The following SPRED2 variants were observed in gnomAD, a reference collection of about 807,000 sequenced individuals.
SPRED2 encodes the protein sprouty-related, EVH1 domain-containing protein 2.
In SPRED2, 47 loss-of-function variants were observed where a neutral mutation model predicts 43.0. The ratio of observed to expected loss-of-function variants is 1.09; its 90% confidence interval spans 0.87 to 1.40. The LOEUF (loss-of-function observed/expected upper bound fraction) is 1.40. Ranked by LOEUF, SPRED2 falls within the 40% of genes most tolerant of loss-of-function variation. The probability of loss-of-function intolerance (pLI) is 0.00; values close to 1 mark genes in which losing one functional copy is unlikely to be tolerated. For missense variants in SPRED2, 561 were observed against 586.4 expected, an observed-to-expected ratio of 0.96 and a Z score of 0.45; for synonymous variants, 225 against 225.7, an observed-to-expected ratio of 1.00 and a Z score of 0.03.
intron 5 of SPRED2, among the ~76,000 whole-genome samples, chr2:65,315,282 A>C (rs4671125): frequency 0.43 from 64,802 of 151,480 alleles, 14,526 homozygotes; most frequent in East Asian, 0.76. Flanking sequence ...CTCAGGTTCC[A>C]TTTCTGTCGA....
chr2:65,386,645 G>T (rs1450148042), intron 1 of SPRED2, among the ~76,000 whole-genome samples: 1 of 152,190 alleles, frequency 6.6e-6, no homozygotes, highest in Non-Finnish European at 1.5e-5. Flanking sequence ...CATCCTTACA[G>T]TATGGCTTCC....
chr2:65,340,191 G>A (rs1457690226), intron 2 of SPRED2, among the ~76,000 whole-genome samples: 2 of 152,074 alleles, frequency 1.3e-5, no homozygotes, highest in Non-Finnish European at 2.9e-5. Flanking sequence ...GTTATAAATA[G>A]CTGTAACTCA....
At chr2:65,342,584 C>A (rs1674227533) in intron 2 of SPRED2, among the ~76,000 whole-genome samples, 1 of 151,960 alleles carries the variant, frequency 6.6e-6, no homozygotes, top group Non-Finnish European at 1.5e-5. Context: ...AAAAATATGA[C>A]CTCCTAAATT....
chr2:65,371,611 G>T (rs1313201760), intron 1 of SPRED2, among the ~76,000 whole-genome samples: 1 of 152,146 alleles, frequency 6.6e-6, no homozygotes, highest in African/African-American at 2.4e-5. Context: ...AGCTAAGTCA[G>T]TTTTCAGCTA....
intron 1 of SPRED2, among the ~76,000 whole-genome samples, chr2:65,389,574 A>G (rs1675584530): frequency 6.6e-6 from 1 of 152,210 alleles, no homozygotes; most frequent in African/African-American, 2.4e-5. Context: ...TTAAAAGCAA[A>G]AACATCACCC....
At chr2:65,329,052 G>A (rs182702525) in intron 4 of SPRED2, among the ~76,000 whole-genome samples, 132 of 152,298 alleles carry the variant, frequency 8.7e-4, no homozygotes, top group Middle Eastern at 3.4e-3. Context: ...TTGGTGCTTT[G>A]GTTTTAACTA....
intron 1 of SPRED2, chr2:65,377,978 G>C (rs1437613426): frequency 4.1e-5 from 10 of 245,346 alleles, no homozygotes. Context: ...AGAAGTGGTT[G>C]TGGCTGGGGC....
downstream of SPRED2, among the ~76,000 whole-genome samples, chr2:65,307,819 A>G (rs1672971121): frequency 6.6e-6 from 1 of 152,184 alleles, no homozygotes; most frequent in African/African-American, 2.4e-5. Context: ...CCATGCACCT[A>G]GTTCAGTTCT....
Position 65,313,424 on chromosome 2 carries a change from C to A in SPRED2, c.*77G>T. 2 of 1,523,942 alleles carry A rather than the reference C, an allele frequency of 1.3e-6. No individual in the cohort carries two copies. Among genetic ancestry groups the A allele is most frequent in the Non-Finnish European group, 1.8e-6 (2 of 1,140,450 alleles). The allele number at this position is 1,523,942 out of a possible 1,614,324, so 94.4% of individuals were successfully genotyped here. On this transcript the variant is annotated 3_prime_UTR_variant, in exon 6 of 6. Coordinates refer to ENST00000356388, the MANE Select transcript of SPRED2 (RefSeq NM_181784.3). ...CCTCGCTCCTTGGAGTGGAAGGGAG[C>A]GGGGGAGAAGATGAGAGTATGTAAG...
chr2:65,341,102 GGCGTGT>G (rs1411840570), intron 2 of SPRED2, among the ~76,000 whole-genome samples: 1 of 55,208 alleles, frequency 1.8e-5, no homozygotes, highest in Non-Finnish European at 3.5e-5. Context: ...ACTGGGTACG[GGCGTGT>G]GTGTGTGTGT....
intron 4 of SPRED2, among the ~76,000 whole-genome samples, chr2:65,317,513 AAACAACAACAACAACAACAACAACAAC>A (rs200353741): frequency 4.1e-5 from 6 of 147,252 alleles, no homozygotes; most frequent in Non-Finnish European, 7.5e-5. Context: ...ACTCCATCTC[AAACAACAACAACAACAACAACAACAAC>A]AACAACAACA....
At chr2:65,364,303 T>G (rs749298776) in intron 1 of SPRED2, among the ~76,000 whole-genome samples, 4 of 152,218 alleles carry the variant, frequency 2.6e-5, no homozygotes, top group Admixed American at 6.5e-5. Flanking sequence ...GGCTCAGATT[T>G]GAAACACTTT....
chr2:65,362,412 G>T (rs1002177459), intron 1 of SPRED2, among the ~76,000 whole-genome samples: 1 of 152,088 alleles, frequency 6.6e-6, no homozygotes, highest in East Asian at 1.9e-4. Flanking sequence ...TGCAACTACA[G>T]GCGCCCGACA....
chr2:65,401,172 C>T (rs1675877878), intron 1 of SPRED2, among the ~76,000 whole-genome samples: 2 of 151,214 alleles, frequency 1.3e-5, no homozygotes, highest in African/African-American at 4.9e-5. Context: ...GACGTGGTTT[C>T]ACCACGTTGG....
In SPRED2 at chr2:65,357,449, C is replaced by T. The variant is rs113071067; in HGVS notation, c.27-12553G>A. ...CTCTCTCACGTGGAAAAATTAAAAT[C>T]CAGACTGCAGAAGGGACTTGTTCAA... On this transcript the variant is annotated intron_variant, in intron 1 of 5. Coordinates refer to ENST00000356388, the MANE Select transcript of SPRED2 (RefSeq NM_181784.3). Among the ~76,000 whole-genome samples, 590 of 152,294 alleles carry T rather than the reference C, an allele frequency of 3.9e-3. 1 individual carries two copies. The highest frequency in any genetic ancestry group is 0.013 in the African/African-American group (553 of 41,556).
chr2:65,393,424 C>T (rs1401568786), intron 1 of SPRED2, among the ~76,000 whole-genome samples: 6 of 151,746 alleles, frequency 4.0e-5, no homozygotes, highest in Non-Finnish European at 8.8e-5. Flanking sequence ...CTTCACCTCC[C>T]GGGTTCAAGT....
At chr2:65,349,388 C>T (rs1674444847) in intron 1 of SPRED2, among the ~76,000 whole-genome samples, 1 of 151,178 alleles carries the variant, frequency 6.6e-6, no homozygotes. Flanking sequence ...AATATCCTTT[C>T]CCCCACTCCA....
chr2:65,391,950 T>G (rs571825767), intron 1 of SPRED2, among the ~76,000 whole-genome samples: 1 of 152,182 alleles, frequency 6.6e-6, no homozygotes, highest in African/African-American at 2.4e-5. Context: ...TAGTCAACTA[T>G]ATATTTCTTT....
Position 65,312,538 on chromosome 2 carries a change from G to A in SPRED2, c.*963C>T. The A allele has an allele frequency of 1.6e-5, 16 of 985,438 alleles. No homozygotes were observed. Among genetic ancestry groups the A allele is most frequent in the Non-Finnish European group, 1.9e-5 (16 of 829,904 alleles). 61.0% of individuals were successfully genotyped at this position (985,438 alleles called of 1,614,324 possible). ...CTTGTTCGTGGGAACACTGATTTGTGTTTGAGGAAACTATTTGGTTTGCAA... is the reference window on the plus strand; with the variant it reads ...CTTGTTCGTGGGAACACTGATTTGTATTTGAGGAAACTATTTGGTTTGCAA... On this transcript the variant is annotated 3_prime_UTR_variant, in exon 6 of 6. Coordinates refer to ENST00000356388, the MANE Select transcript of SPRED2 (RefSeq NM_181784.3).
Sources: allele counts gnomAD v4.1 joint callset (sites outside exome capture counted in the v4.1 genomes callset), GRCh38; gene constraint gnomAD v4.1.1; transcripts MANE v1.5; gene names NCBI Gene and HGNC (gene_info 2026-07-23, HGNC 2026-07-21).